Variants in LIX1L observed in about 807,000 individuals in gnomAD.
The protein encoded by LIX1L is limb and CNS expressed 1 like.
A neutral mutation model predicts 34.0 loss-of-function variants in LIX1L; 20 were observed. That is an observed-to-expected ratio of 0.59 (90% CI 0.41 to 0.85). The LOEUF (loss-of-function observed/expected upper bound fraction) is 0.85, where lower values mean the gene tolerates loss of function less well. Among genes scored for constraint, LIX1L ranks in the 40% least tolerant of loss-of-function variants. LIX1L has a pLI of 0.00. For synonymous variants in LIX1L, 170 were observed against 187.4 expected (o/e 0.91, Z 0.76); for missense variants, 397 against 447.0 (o/e 0.89, Z 1.01).
chr1:145,951,994 C>T (rs1649314183), intron 1 of LIX1L, among the ~76,000 whole-genome samples: 1 of 150,978 alleles, frequency 6.6e-6, no homozygotes, highest in African/African-American at 2.4e-5. Flanking sequence ...AAAAAAGCAA[C>T]TAATTGTGAT....
chr1:145,956,116 T>C, intron 1 of LIX1L, among the ~76,000 whole-genome samples: 1 of 152,316 alleles, frequency 6.6e-6, no homozygotes. Context: ...ATAGCCTTGT[T>C]AAATCTTGGG....
rs1310090615 is a variant in LIX1L, at chr1:145,957,966, C to T, written c.-39G>A. ...GGAGTAGCGCCCCGGAGCCTGCCAG[C>T]CTGCCGAGCTAACGGTCCCAACCAC... On this transcript the variant is annotated 5_prime_UTR_variant, in exon 1 of 6. Transcript: ENST00000604000. The T allele has an allele frequency of 1.5e-6, 2 of 1,373,928 alleles. No homozygotes were observed. The highest frequency in any genetic ancestry group is 6.3e-5 in the Admixed American group (2 of 31,648). 85.1% of individuals were successfully genotyped at this position (1,373,928 alleles called of 1,614,324 possible). A position where few individuals can be genotyped will look rare whatever the true frequency, so the allele number is the denominator to read the frequency against.
intron 3 of LIX1L, among the ~76,000 whole-genome samples, chr1:145,937,955 G>A (rs782485463): frequency 2.0e-5 from 3 of 151,730 alleles, no homozygotes; most frequent in Non-Finnish European, 2.9e-5. Context: ...TGGTGAAACC[G>A]TGTCTCTACT....
chr1:145,957,869 G>T lies in LIX1L; in HGVS notation c.59C>A (p.Thr20Asn). ...CACTCCGGGCCGCAGCGCTCGGAGA[G>T]TGCCCCTCCCGCTGGTGCCCACACC... ...QPGVGTSGRG[T>N]LRALRPGVTG... The change falls in exon 1 of 6, where the codon ACT becomes AAT. Residue 20 changes from threonine (T) to asparagine (N), a missense_variant. Coordinates refer to ENST00000604000, the MANE Select transcript of LIX1L (RefSeq NM_153713.3). 6.8e-7 allele frequency: 1 copy of T among 1,471,540 alleles called. No individual in the cohort carries two copies. Among genetic ancestry groups the T allele is most frequent in the African/African-American group, 1.5e-5 (1 of 68,756 alleles). The allele number at this position is 1,471,540 out of a possible 1,614,324, so 91.2% of individuals were successfully genotyped here. A position where few individuals can be genotyped will look rare whatever the true frequency, so the allele number is the denominator to read the frequency against.
intron 2 of LIX1L, among the ~76,000 whole-genome samples, chr1:145,943,461 T>TC (rs1648995782): frequency 1.3e-5 from 2 of 152,152 alleles, no homozygotes; most frequent in Non-Finnish European, 2.9e-5. Flanking sequence ...ACTTCTTTTT[T>TC]CCCCACAGTG....
intron 1 of LIX1L, among the ~76,000 whole-genome samples, chr1:145,952,583 G>A (rs587714060): frequency 3.3e-5 from 5 of 152,200 alleles, no homozygotes; most frequent in African/African-American, 1.2e-4. Flanking sequence ...ATGGGAATGA[G>A]AGGTAGTGAT....
At position 145,937,655 on chromosome 1, in the gene LIX1L, G is replaced by A. The variant is rs1553758022; in HGVS notation, c.642C>T (p.Ala214=). 2 of 1,613,754 alleles carry A rather than the reference G, an allele frequency of 1.2e-6. No homozygotes were observed. Among genetic ancestry groups the A allele is most frequent in the African/African-American group, 1.3e-5 (1 of 74,906 alleles). Residue 214 remains alanine (A), a synonymous_variant, in exon 4 of 6, where the codon GCC becomes GCT. Coordinates refer to ENST00000604000, the MANE Select transcript of LIX1L (RefSeq NM_153713.3). ...EADNPNTGIG[A]FRFMLESNKG... is the part of the protein sequence containing the mutation. ...TGTTGGATTCCAGCATGAATCGGAA[G>A]GCACCAATCCCTGTATTTGGGTTGT... is the stretch of plus-strand genomic sequence containing the variant.
At chr1:145,939,384 C>T (rs1217979034) in intron 3 of LIX1L, among the ~76,000 whole-genome samples, 1 of 151,300 alleles carries the variant, frequency 6.6e-6, no homozygotes, top group Non-Finnish European at 1.5e-5. Context: ...CAGTTCACCG[C>T]AACCTCCACC....
intron 1 of LIX1L, 62 bp downstream of exon 1, chr1:145,957,574 A>C: frequency 7.2e-7 from 1 of 1,396,094 alleles, no homozygotes; most frequent in Non-Finnish European, 9.3e-7. Context: ...GATCCGGAGG[A>C]CTGTGGGAGC....
At chr1:145,942,946 C>T in intron 2 of LIX1L, 93 bp from the exon 3 acceptor site, 1 of 1,202,320 alleles carries the variant, frequency 8.3e-7, no homozygotes, top group Middle Eastern at 2.0e-4. Flanking sequence ...ATAGAAAACA[C>T]TTGGACGCTC....
In LIX1L at chr1:145,936,420, G is replaced by C. The variant is rs373283576; in HGVS notation, c.904C>G (p.Leu302Val). ...SRELASTERE[L>V]DEARLAGKEL... The stretch of plus-strand genomic sequence containing the variant: ...TTGCCTGCCAGTCGGGCTTCATCCA[G>C]CTCCCGCTCAGTAGAGGCCAGCTCT... Residue 302 changes from leucine to valine, a missense_variant, in exon 6 of 6, where the codon CTG (leucine) becomes GTG (valine). This residue lies in a region of LIX1L where 174 missense variants were observed against 204.0 expected (regional missense o/e 0.85). Transcript: ENST00000604000. 6.2e-7 allele frequency: 1 copy of C among 1,614,156 alleles called. No homozygotes were observed. The highest frequency in any genetic ancestry group is 8.5e-7 in the Non-Finnish European group (1 of 1,180,032).
chr1:145,950,612 C>T (rs1649266836), intron 1 of LIX1L, among the ~76,000 whole-genome samples: 1 of 151,740 alleles, frequency 6.6e-6, no homozygotes, highest in Admixed American at 6.6e-5. Flanking sequence ...ATGATCCGCC[C>T]GCCTCGGCCT....
At chr1:145,945,137 C>G (rs1649052743) in intron 2 of LIX1L, among the ~76,000 whole-genome samples, 1 of 151,644 alleles carries the variant, frequency 6.6e-6, no homozygotes, top group Non-Finnish European at 1.5e-5. Flanking sequence ...TCAAGACCAG[C>G]CTGGCCAACA....
At chr1:145,947,003 T>C (rs1374974078) in intron 2 of LIX1L, 1 of 152,240 alleles carries the variant, frequency 6.6e-6, no homozygotes, top group Non-Finnish European at 1.5e-5. Context: ...TGGCAACCAT[T>C]CTTTTCATCA....
chr1:145,936,868 T>C, intron 5 of LIX1L, 40 bp downstream of exon 5: 1 of 1,317,922 alleles, frequency 7.6e-7, no homozygotes, highest in Non-Finnish European at 1.1e-6. Flanking sequence ...ACTGACAGAT[T>C]GTGCTCCCCT....
chr1:145,954,082 T>A (rs1649388553), intron 1 of LIX1L, among the ~76,000 whole-genome samples: 1 of 148,762 alleles, frequency 6.7e-6, no homozygotes, highest in African/African-American at 2.5e-5. Context: ...AAAGGAGGCA[T>A]ATTTGATGAA....
intron 2 of LIX1L, among the ~76,000 whole-genome samples, chr1:145,944,321 T>C (rs1326071135): frequency 1.3e-5 from 2 of 152,182 alleles, no homozygotes; most frequent in Non-Finnish European, 2.9e-5. Context: ...ATTGTGCCAC[T>C]GCACTCCAGC....
chr1:145,948,160 A>T lies in LIX1L; in HGVS notation c.293-378T>A, dbSNP rs587675884. Reference sequence around the variant, plus strand: ...CTGCCTGATGAAATACAAGCAGATTATTCCACAGTTGGTTAGCTGGCCCAG... The same window carrying T: ...CTGCCTGATGAAATACAAGCAGATTTTTCCACAGTTGGTTAGCTGGCCCAG... On this transcript the variant is annotated intron_variant, in intron 1 of 5. Transcript: ENST00000604000. The surrounding 1 kb of genome is among the most constrained non-coding windows in gnomAD (Gnocchi z 4.0). Among the ~76,000 whole-genome samples, 5 of 152,352 alleles carry T rather than the reference A, an allele frequency of 3.3e-5. No homozygotes were observed. The highest frequency in any genetic ancestry group is 1.2e-4 in the African/African-American group (5 of 41,578).
At chr1:145,940,232 C>T (rs1279313580) in intron 3 of LIX1L, among the ~76,000 whole-genome samples, 1 of 152,190 alleles carries the variant, frequency 6.6e-6, no homozygotes, top group African/African-American at 2.4e-5. Flanking sequence ...TCCTAAAGTG[C>T]TGGGATTACA....
Sources: gnomAD v4.1 joint callset for allele counts (sites outside exome capture counted in the v4.1 genomes callset) on GRCh38, gnomAD v4.1.1 for gene constraint, gnomAD v4.1.1 regional missense constraint, Gnocchi (gnomAD v3.1) non-coding constraint, MANE v1.5 for transcripts, NCBI Gene and HGNC (gene_info 2026-07-23, HGNC 2026-07-21) for gene names.